The following HCN1 variants were observed in gnomAD, a reference collection of about 807,000 sequenced individuals.
HCN1 encodes the protein potassium/sodium hyperpolarization-activated cyclic nucleotide-gated channel 1.
A neutral mutation model predicts 78.9 loss-of-function variants in HCN1; 13 were observed. The ratio of observed to expected loss-of-function variants is 0.16; its 90% confidence interval spans 0.11 to 0.26. The LOEUF is 0.26. Among genes scored for constraint, HCN1 ranks in the 10% least tolerant of loss-of-function variants. The pLI is 1.00. For missense variants in HCN1, 810 were observed against 1,154.3 expected, an observed-to-expected ratio of 0.70 and a Z score of 4.32; for synonymous variants, 552 against 455.5, an observed-to-expected ratio of 1.21 and a Z score of -2.70.
At chr5:45,579,519 A>C (rs1458227832) in intron 2 of HCN1, among the ~76,000 whole-genome samples, 1 of 152,082 alleles carries the variant, frequency 6.6e-6, no homozygotes, top group East Asian at 1.9e-4. Context: ...ATACTTAAAA[A>C]ACAAAGAGTG....
intron 2 of HCN1, among the ~76,000 whole-genome samples, chr5:45,564,318 T>G (rs1381206584): frequency 6.6e-6 from 1 of 151,724 alleles, no homozygotes; most frequent in Non-Finnish European, 1.5e-5. Flanking sequence ...TGGAGTGCAG[T>G]GGCGCCATCT....
chr5:45,308,070 T>C (rs566866551), intron 5 of HCN1, among the ~76,000 whole-genome samples: 1 of 152,228 alleles, frequency 6.6e-6, no homozygotes, highest in Non-Finnish European at 1.5e-5. Context: ...GTGCTGTCCT[T>C]GAGTTAATGA....
In HCN1 at chr5:45,396,396, T is replaced by G. The variant is rs568446837; in HGVS notation, c.1230+96A>C. 274 of 932,930 alleles carry G rather than the reference T, an allele frequency of 2.9e-4. 2 individuals are homozygous for G. The African/African-American group carries it at 4.3e-3, about 15-fold the overall frequency. 57.8% of individuals were successfully genotyped at this position (932,930 alleles called of 1,614,324 possible). On this transcript the variant is annotated intron_variant, in intron 4 of 7. Transcript: ENST00000303230. ...TTAAACATTTTATCTCTTTTTTTTT[T>G]TTATAGAGGAGATGGTGTAGTTATC...
chr5:45,581,747 A>T (rs1744082035), intron 2 of HCN1, among the ~76,000 whole-genome samples: 1 of 152,314 alleles, frequency 6.6e-6, no homozygotes, highest in African/African-American at 2.4e-5. Flanking sequence ...ATGACTATCC[A>T]GTTTTCCCAG....
At chr5:45,369,572 T>G (rs1747310319) in intron 4 of HCN1, among the ~76,000 whole-genome samples, 1 of 152,076 alleles carries the variant, frequency 6.6e-6, no homozygotes, top group Non-Finnish European at 1.5e-5. Flanking sequence ...AACAGAGAAG[T>G]CAAGAAATAG....
chr5:45,626,423 T>C (rs973222169), intron 2 of HCN1, among the ~76,000 whole-genome samples: 4 of 152,132 alleles, frequency 2.6e-5, no homozygotes, highest in Non-Finnish European at 4.4e-5. Context: ...GCACTGAGAA[T>C]TGTGTACTAA....
chr5:45,601,248 A>C (rs1156336452), intron 2 of HCN1, among the ~76,000 whole-genome samples: 2 of 151,966 alleles, frequency 1.3e-5, no homozygotes, highest in Non-Finnish European at 2.9e-5. Context: ...GGTTTGGAAC[A>C]AAAAAAATCT....
chr5:45,612,864 T>A (rs1579999150), intron 2 of HCN1, among the ~76,000 whole-genome samples: 1 of 152,112 alleles, frequency 6.6e-6, no homozygotes, highest in East Asian at 1.9e-4. Flanking sequence ...AGAAACAAAG[T>A]GTGTGTTCCA....
At chr5:45,652,402 T>C (rs934190418) in intron 1 of HCN1, among the ~76,000 whole-genome samples, 2 of 151,910 alleles carry the variant, frequency 1.3e-5, no homozygotes, top group Non-Finnish European at 2.9e-5. Flanking sequence ...TTTTTCTCAA[T>C]TCTTATCTGA....
At chr5:45,473,444 A>G (rs1156659156) in intron 2 of HCN1, among the ~76,000 whole-genome samples, 2 of 151,628 alleles carry the variant, frequency 1.3e-5, no homozygotes, top group Admixed American at 6.6e-5. Context: ...TTTCAATTTT[A>G]TTGAGAAAAC....
chr5:45,669,248 G>A (rs1317017694), intron 1 of HCN1, among the ~76,000 whole-genome samples: 1 of 151,852 alleles, frequency 6.6e-6, no homozygotes, highest in Admixed American at 6.6e-5. Context: ...GGAGTCAGGA[G>A]TCTTTGTGAG....
At chr5:45,348,431 A>G (rs546544301) in intron 5 of HCN1, among the ~76,000 whole-genome samples, 15 of 152,340 alleles carry the variant, frequency 9.8e-5, no homozygotes, top group African/African-American at 2.9e-4. Flanking sequence ...TGCAAAGGCC[A>G]TCAAGGCTAG....
chr5:45,299,047 C>T (rs1745555021), intron 6 of HCN1, among the ~76,000 whole-genome samples: 1 of 151,970 alleles, frequency 6.6e-6, no homozygotes, highest in African/African-American at 2.4e-5. Flanking sequence ...GATACCTTAA[C>T]CAGTGCTCCT....
At chr5:45,361,060 C>T (rs1747097127) in intron 4 of HCN1, among the ~76,000 whole-genome samples, 1 of 151,998 alleles carries the variant, frequency 6.6e-6, no homozygotes, top group African/African-American at 2.4e-5. Flanking sequence ...TTGTTTTTCT[C>T]TGAGATGGAG....
intron 2 of HCN1, among the ~76,000 whole-genome samples, chr5:45,560,440 C>G (rs879653651): frequency 1.3e-5 from 2 of 151,912 alleles, no homozygotes; most frequent in Non-Finnish European, 2.9e-5. Flanking sequence ...CATAGCTCAT[C>G]ATTATGTAGA....
At position 45,356,403 on chromosome 5, in the gene HCN1, A is replaced by G. The variant is rs904219723; in HGVS notation, c.1231-3157T>C. 6.6e-5 allele frequency among the ~76,000 whole-genome samples: 10 copies of G among 152,122 alleles called. 1 individual carries two copies. The highest frequency in any genetic ancestry group is 6.8e-3 in the Middle Eastern group (2 of 294). ...AAAATTTATAAAAGTATGCATGTAC[A>G]TGATTATTAAAAATGAGATCTAACA... On this transcript the variant is annotated intron_variant, in intron 4 of 7. Coordinates refer to ENST00000303230, the MANE Select transcript of HCN1 (RefSeq NM_021072.4).
chr5:45,693,610 AAG>A (rs1739954128), intron 1 of HCN1, among the ~76,000 whole-genome samples: 1 of 152,160 alleles, frequency 6.6e-6, no homozygotes, highest in African/African-American at 2.4e-5. Flanking sequence ...GTTTTTATTA[AAG>A]AGATATTTTG....
chr5:45,431,106 A>G lies in HCN1; in HGVS notation c.1011+30740T>C, dbSNP rs61097516. On this transcript the variant is annotated intron_variant, in intron 3 of 7. Coordinates refer to ENST00000303230, the MANE Select transcript of HCN1 (RefSeq NM_021072.4). The stretch of plus-strand genomic sequence containing the variant: ...CTCTGTAACTTTACCAGCATCTGTT[A>G]TTTTTTGGCTTTTTACTAGTAGCCA... Among the ~76,000 whole-genome samples the G allele has an allele frequency of 8.6e-3, 1,309 of 152,086 alleles. 26 individuals carry two copies. Among genetic ancestry groups the G allele is most frequent in the African/African-American group, 0.031 (1,282 of 41,510 alleles).
chr5:45,599,027 C>A (rs527401101), intron 2 of HCN1, among the ~76,000 whole-genome samples: 2 of 152,092 alleles, frequency 1.3e-5, no homozygotes, highest in African/African-American at 2.4e-5. Context: ...GGATCTAGAA[C>A]TAGAAATACC....
Sources: allele counts gnomAD v4.1 joint callset (sites outside exome capture counted in the v4.1 genomes callset), GRCh38; gene constraint gnomAD v4.1.1; transcripts MANE v1.5; gene names NCBI Gene and HGNC (gene_info 2026-07-23, HGNC 2026-07-21).